The following UNC5D variants were observed in gnomAD, a reference collection of about 807,000 sequenced individuals.
UNC5D encodes unc-5 netrin receptor D.
A neutral mutation model predicts 105.4 loss-of-function variants in UNC5D; 39 were observed. The ratio of observed to expected loss-of-function variants is 0.37; its 90% CI spans 0.29 to 0.48. The LOEUF (loss-of-function observed/expected upper bound fraction) is 0.48, where lower values mean the gene tolerates loss of function less well. Ranked by LOEUF, UNC5D falls within the 20% of genes least tolerant of loss-of-function variation. UNC5D has a pLI of 0.98. For missense variants in UNC5D, 991 were observed against 1,202.4 expected (o/e 0.82, Z 2.60); for synonymous variants, 452 against 450.4 (o/e 1.00, Z -0.04).
intron 1 of UNC5D, among the ~76,000 whole-genome samples, chr8:35,370,654 C>G (rs1020613052): frequency 2.6e-5 from 4 of 152,048 alleles, no homozygotes; most frequent in African/African-American, 4.8e-5. Context: ...ATGAAAGTAA[C>G]TTTTAGGCAT....
intron 1 of UNC5D, among the ~76,000 whole-genome samples, chr8:35,454,279 A>G (rs1585879354): frequency 6.6e-6 from 1 of 152,178 alleles, no homozygotes; most frequent in Non-Finnish European, 1.5e-5. Flanking sequence ...CCAGAAGAGA[A>G]CCATCCAGTA....
chr8:35,402,679 C>T (rs1804549043), intron 1 of UNC5D, among the ~76,000 whole-genome samples: 1 of 152,088 alleles, frequency 6.6e-6, no homozygotes. Context: ...CTCATCCTGG[C>T]CTCCAAGTGT....
At chr8:35,657,072 GTGTGTGTGTATATATATA>G (rs1216797335) in intron 4 of UNC5D, among the ~76,000 whole-genome samples, 3 of 99,066 alleles carry the variant, frequency 3.0e-5, no homozygotes, top group African/African-American at 9.5e-5. Context: ...GTGTGTGTGT[GTGTGTGTGTATATATATA>G]TATATATATA....
intron 2 of UNC5D, among the ~76,000 whole-genome samples, chr8:35,551,402 G>A (rs1222907083): frequency 1.3e-5 from 2 of 152,174 alleles, no homozygotes; most frequent in Non-Finnish European, 2.9e-5. Flanking sequence ...AGGAAAGAAC[G>A]AAGCCATGTG....
intron 1 of UNC5D, among the ~76,000 whole-genome samples, chr8:35,271,415 A>G (rs1805317012): frequency 7.2e-6 from 1 of 138,170 alleles, no homozygotes; most frequent in Admixed American, 7.1e-5. Flanking sequence ...GTATATGTAT[A>G]CACACACATA....
chr8:35,344,209 T>G (rs1416129586), intron 1 of UNC5D, among the ~76,000 whole-genome samples: 1 of 152,078 alleles, frequency 6.6e-6, no homozygotes, highest in Non-Finnish European at 1.5e-5. Context: ...TGGGCCCACC[T>G]GCTCATCTGA....
chr8:35,289,910 A>G (rs750676830), intron 1 of UNC5D, among the ~76,000 whole-genome samples: 1 of 152,196 alleles, frequency 6.6e-6, no homozygotes, highest in Non-Finnish European at 1.5e-5. Flanking sequence ...ATTTGAGACC[A>G]GCCAGAGCAA....
At chr8:35,684,222 G>A (rs1391772648) in intron 5 of UNC5D, among the ~76,000 whole-genome samples, 1 of 152,198 alleles carries the variant, frequency 6.6e-6, no homozygotes, top group Non-Finnish European at 1.5e-5. Context: ...TTCCACAATA[G>A]AAGAGCCCTG....
chr8:35,743,017 A>T (rs909967706), intron 11 of UNC5D, among the ~76,000 whole-genome samples: 2 of 152,134 alleles, frequency 1.3e-5, no homozygotes, highest in African/African-American at 4.8e-5. Context: ...AATATGAATA[A>T]GTTATTTAGT....
chr8:35,478,238 A>G lies in UNC5D; in HGVS notation c.104-71054A>G, dbSNP rs561074057. ...TTAGAGTATTCCACAATTTGAAAAA[A>G]TAATATGTGAGCCCACATCAGAAAG... On this transcript the variant is annotated intron_variant, in intron 1 of 16. Coordinates refer to ENST00000404895, the MANE Select transcript of UNC5D (RefSeq NM_080872.4). 1.3e-4 allele frequency among the ~76,000 whole-genome samples: 20 copies of G among 152,276 alleles called. No homozygotes were observed. The South Asian group carries it at 3.3e-3, about 25-fold the overall frequency.
At chr8:35,453,584 T>A (rs968027759) in intron 1 of UNC5D, among the ~76,000 whole-genome samples, 2 of 152,158 alleles carry the variant, frequency 1.3e-5, no homozygotes, top group African/African-American at 4.8e-5. Context: ...TAGTTTTAAA[T>A]TTGTATCCTG....
chr8:35,462,814 T>G (rs1808994906), intron 1 of UNC5D, among the ~76,000 whole-genome samples: 1 of 152,136 alleles, frequency 6.6e-6, no homozygotes, highest in Admixed American at 6.6e-5. Flanking sequence ...ATGGGTGTAA[T>G]CAAAGACTCC....
At chr8:35,574,531 G>T (rs764963926) in intron 3 of UNC5D, among the ~76,000 whole-genome samples, 1 of 152,156 alleles carries the variant, frequency 6.6e-6, no homozygotes, top group African/African-American at 2.4e-5. Context: ...CATAGTCAAA[G>T]AAGTATTATT....
In UNC5D at chr8:35,750,668, G is replaced by A. The variant is rs746273717; in HGVS notation, c.2022G>A (p.Gly674=). ...FACHVLLDSF[G]TYALTGEPIT... ...GTCATGTGCTCCTGGACAGCTTTGG[G>A]ACCTATGCGCTCACTGGAGAGCCAA... Residue 674 remains glycine (G), a synonymous_variant, in exon 13 of 17, where the codon GGG becomes GGA. Transcript: ENST00000404895. The A allele has an allele frequency of 1.9e-6, 3 of 1,614,094 alleles. No homozygotes were observed. The highest frequency in any genetic ancestry group is 4.5e-5 in the East Asian group (2 of 44,850).
chr8:35,323,187 TC>T (rs1320919398), intron 1 of UNC5D, among the ~76,000 whole-genome samples: 3 of 126,048 alleles, frequency 2.4e-5, no homozygotes, highest in African/African-American at 7.8e-5. Flanking sequence ...TTTTTCTTTT[TC>T]TTTTTTTTTT....
rs112266245 is a variant in UNC5D, at chr8:35,271,019, C to T, written c.103+35132C>T. The stretch of plus-strand genomic sequence containing the variant: ...AGAGCACATCTATTCGGGTGAGCTA[C>T]ATTTTTAAAATATATACATGTCACA... On this transcript the variant is annotated intron_variant, in intron 1 of 16. Coordinates refer to ENST00000404895, the MANE Select transcript of UNC5D (RefSeq NM_080872.4). Among the ~76,000 whole-genome samples the T allele has an allele frequency of 9.2e-5, 14 of 151,822 alleles. 2 individuals are homozygous for T. The highest frequency in any genetic ancestry group is 3.4e-4 in the African/African-American group (14 of 41,446).
chr8:35,608,897 ATTT>A (rs534247620), intron 4 of UNC5D, among the ~76,000 whole-genome samples: 1,863 of 149,854 alleles, frequency 0.012, 50 homozygotes, highest in African/African-American at 0.044. Flanking sequence ...TATCTATTTA[ATTT>A]TTTTTTTGGC....
chr8:35,743,719 ATT>A (rs1401507670), intron 11 of UNC5D, among the ~76,000 whole-genome samples: 7 of 152,038 alleles, frequency 4.6e-5, no homozygotes, highest in Admixed American at 4.6e-4. Flanking sequence ...AATATTCTGT[ATT>A]TGTCTCTCTC....
At chr8:35,551,323 T>C (rs1816123676) in intron 2 of UNC5D, among the ~76,000 whole-genome samples, 1 of 152,176 alleles carries the variant, frequency 6.6e-6, no homozygotes, top group African/African-American at 2.4e-5. Context: ...GCTTATGGTA[T>C]ATAATGAAGA....
Sources: gnomAD v4.1 joint callset for allele counts (sites outside exome capture counted in the v4.1 genomes callset) on GRCh38, gnomAD v4.1.1 for gene constraint, MANE v1.5 for transcripts, NCBI Gene and HGNC (gene_info 2026-07-23, HGNC 2026-07-21) for gene names.